Variants in CFI observed in about 807,000 individuals in gnomAD.
CFI encodes C3B/C4B inactivator.
In CFI, 66 loss-of-function variants were observed where a neutral mutation model predicts 78.8. The ratio of observed to expected loss-of-function variants is 0.84; its 90% CI spans 0.69 to 1.03. CFI has a LOEUF of 1.03. CFI is among the 50% of genes least tolerant of loss of function. The pLI is 0.00. For synonymous variants in CFI, 250 were observed against 232.6 expected, an observed-to-expected ratio of 1.07 and a Z score of -0.68; for missense variants, 706 against 704.5, an observed-to-expected ratio of 1.00 and a Z score of -0.02.
chr4:109,756,480 T>C (rs1178341657), intron 7 of CFI, among the ~76,000 whole-genome samples: 3 of 151,568 alleles, frequency 2.0e-5, no homozygotes, highest in Non-Finnish European at 4.4e-5. Context: ...GAACAGCAGC[T>C]TCAGAGGGCA....
intron 6 of CFI, among the ~76,000 whole-genome samples, chr4:109,759,759 T>A (rs1726791426): frequency 6.6e-6 from 1 of 152,106 alleles, no homozygotes. Flanking sequence ...CCAGGCATGG[T>A]GGCAGGTGCC....
chr4:109,738,659 A>T (rs1255499021), downstream of CFI, among the ~76,000 whole-genome samples: 1 of 152,174 alleles, frequency 6.6e-6, no homozygotes, highest in Non-Finnish European at 1.5e-5. Flanking sequence ...TGGGAGGCTC[A>T]TCGGCTGCTA....
At position 109,790,910 on chromosome 4, in the gene CFI, T is replaced by C. The variant is rs542790864; in HGVS notation, c.57+11005A>G. Among the ~76,000 whole-genome samples the C allele has an allele frequency of 1.1e-4, 16 of 152,314 alleles. No homozygotes were observed. In the East Asian group the frequency reaches 2.9e-3, roughly 28 times the overall value. Reference sequence around the variant, plus strand: ...TGTGAATAGTGCCGCAATGAACATATGTGTGCATGTGTCTTTATGATAGAA... The same window carrying C: ...TGTGAATAGTGCCGCAATGAACATACGTGTGCATGTGTCTTTATGATAGAA... On this transcript the variant is annotated intron_variant, in intron 1 of 12. Transcript: ENST00000394634.
intron 6 of CFI, among the ~76,000 whole-genome samples, chr4:109,758,266 G>A (rs919805809): frequency 6.6e-6 from 1 of 151,778 alleles, no homozygotes; most frequent in African/African-American, 2.4e-5. Flanking sequence ...CTTGGCTGGG[G>A]CAGGGATTTT....
intron 1 of CFI, among the ~76,000 whole-genome samples, chr4:109,796,976 T>C (rs569402620): frequency 6.6e-6 from 1 of 152,364 alleles, no homozygotes; most frequent in Admixed American, 6.5e-5. Flanking sequence ...AAAGAATTAA[T>C]ATTGTTAAAT....
chr4:109,765,591 T>G lies in CFI; in HGVS notation c.329-901A>C, dbSNP rs1294745031. On this transcript the variant is annotated intron_variant, in intron 2 of 12. Coordinates refer to ENST00000394634, the MANE Select transcript of CFI (RefSeq NM_000204.5). ...GGAGGGACTTGAAACTCAATTGGAC[T>G]GACAGCGAAATCCCTAATCATAACT... 3.3e-5 allele frequency among the ~76,000 whole-genome samples: 5 copies of G among 152,290 alleles called. No homozygotes were observed. The East Asian group carries it at 9.7e-4, about 29-fold the overall frequency.
At chr4:109,792,365 C>A (rs916534548) in intron 1 of CFI, among the ~76,000 whole-genome samples, 2 of 152,110 alleles carry the variant, frequency 1.3e-5, no homozygotes, top group Non-Finnish European at 2.9e-5. Context: ...CACCTGAGGT[C>A]AGGAGTTCAA....
intron 1 of CFI, among the ~76,000 whole-genome samples, chr4:109,801,421 G>A (rs917391058): frequency 2.0e-5 from 3 of 152,130 alleles, no homozygotes; most frequent in Admixed American, 2.0e-4. Flanking sequence ...TCCTCTCATT[G>A]AAGTCCTTTA....
chr4:109,765,540 G>A (rs553403635), intron 2 of CFI, among the ~76,000 whole-genome samples: 4 of 152,322 alleles, frequency 2.6e-5, no homozygotes, highest in African/African-American at 7.2e-5. Flanking sequence ...GTGAGGTCCA[G>A]CTTGTCAACA....
downstream of CFI, among the ~76,000 whole-genome samples, chr4:109,738,444 T>G (rs1579143612): frequency 6.6e-6 from 1 of 152,120 alleles, no homozygotes; most frequent in African/African-American, 2.4e-5. Context: ...CACAGACATA[T>G]TCTAAGGTGC....
intron 1 of CFI, among the ~76,000 whole-genome samples, chr4:109,767,217 A>T (rs2126225468): frequency 6.6e-6 from 1 of 152,334 alleles, no homozygotes; most frequent in Admixed American, 6.5e-5. Context: ...GGACATAGGC[A>T]TGGGCAAGGA....
intron 8 of CFI, among the ~76,000 whole-genome samples, chr4:109,750,039 C>T (rs1189105309): frequency 1.3e-5 from 2 of 151,996 alleles, no homozygotes; most frequent in Non-Finnish European, 2.9e-5. Flanking sequence ...GTCTTGTGCC[C>T]AGGCTGGAGT....
At chr4:109,755,299 A>G (rs1725988133) in intron 7 of CFI, among the ~76,000 whole-genome samples, 1 of 152,180 alleles carries the variant, frequency 6.6e-6, no homozygotes, top group South Asian at 2.1e-4. Flanking sequence ...ACCCGCAGGC[A>G]TTATTGGTGG....
At chr4:109,763,822 AAC>A (rs1014340327) in intron 3 of CFI, among the ~76,000 whole-genome samples, 4 of 151,910 alleles carry the variant, frequency 2.6e-5, no homozygotes, top group African/African-American at 9.7e-5. Flanking sequence ...GAAAATCAAT[AAC>A]ACAAAGTTAA....
At chr4:109,768,294 AAAG>A (rs1427568738) in intron 1 of CFI, among the ~76,000 whole-genome samples, 1 of 150,268 alleles carries the variant, frequency 6.7e-6, no homozygotes, top group Non-Finnish European at 1.5e-5. Flanking sequence ...AAAAAAAAAA[AAAG>A]AATGGTATGA....
intron 1 of CFI, among the ~76,000 whole-genome samples, chr4:109,791,565 T>C (rs979468662): frequency 1.3e-5 from 2 of 152,196 alleles, no homozygotes; most frequent in South Asian, 2.1e-4. Context: ...AGGGTTTTCA[T>C]AGTTTTGGGT....
In CFI at chr4:109,740,918, G is replaced by A; in HGVS notation, c.1727C>T (p.Pro576Leu). ...TTATACATTGTACTGAGAAATAAAAGGCCTTCCTACATGGTAGCTAATCCA... is the reference window on the plus strand; with the variant it reads ...TTATACATTGTACTGAGAAATAAAAAGCCTTCCTACATGGTAGCTAATCCA... Reference protein sequence around the residue: ...FDWISYHVGRPFISQYNV With the variant: ...FDWISYHVGRLFISQYNV The change falls in exon 13 of 13, where the codon CCT becomes CTT. Residue 576 changes from proline (P) to leucine (L), a missense_variant. Coordinates refer to ENST00000394634, the MANE Select transcript of CFI (RefSeq NM_000204.5). The A allele has an allele frequency of 6.2e-7, 1 of 1,613,998 alleles. No homozygotes were observed. The highest frequency in any genetic ancestry group is 8.5e-7 in the Non-Finnish European group (1 of 1,179,904).
At chr4:109,770,509 C>T (rs1292960365) in intron 1 of CFI, among the ~76,000 whole-genome samples, 3 of 148,878 alleles carry the variant, frequency 2.0e-5, no homozygotes, top group African/African-American at 7.4e-5. Flanking sequence ...TGAGCGGAGA[C>T]CGCACCACTG....
chr4:109,737,730 A>G (rs371704526), downstream of CFI, among the ~76,000 whole-genome samples: 1 of 152,312 alleles, frequency 6.6e-6, no homozygotes, highest in African/African-American at 2.4e-5. Flanking sequence ...CGTTATTTCC[A>G]GATGTGTAGA....
Sources: allele counts gnomAD v4.1 joint callset (sites outside exome capture counted in the v4.1 genomes callset), GRCh38; gene constraint gnomAD v4.1.1; transcripts MANE v1.5; gene names NCBI Gene and HGNC (gene_info 2026-07-23, HGNC 2026-07-21).